GLYATL2: variants seen among roughly 807,000 people sequenced by gnomAD.
The protein encoded by GLYATL2 is glycine N-acyltransferase-like protein 2.
A neutral mutation model predicts 21.4 loss-of-function variants in GLYATL2; 25 were observed. The observed-to-expected ratio is 1.17, with a 90% CI of 0.85 to 1.63. The LOEUF is 1.63. Ranked by LOEUF, GLYATL2 falls within the 40% of genes most tolerant of loss-of-function variation. The probability of loss-of-function intolerance (pLI) is 0.00; values close to 1 mark genes in which losing one functional copy is unlikely to be tolerated. For synonymous variants in GLYATL2, 114 were observed against 118.2 expected (o/e 0.96, Z 0.23); for missense variants, 361 against 343.3 (o/e 1.05, Z -0.41).
intron 1 of GLYATL2, among the ~76,000 whole-genome samples, chr11:58,890,556 T>C (rs901847746): frequency 1.3e-5 from 2 of 152,184 alleles, no homozygotes; most frequent in Non-Finnish European, 2.9e-5. Flanking sequence ...ATAATACTTG[T>C]CCACTTTTTA....
chr11:58,906,217 G>T (rs997360308), upstream of GLYATL2, among the ~76,000 whole-genome samples: 1 of 152,186 alleles, frequency 6.6e-6, no homozygotes, highest in African/African-American at 2.4e-5. Context: ...TTTGGATGGG[G>T]AGCTGGGCCC....
rs763165386 is a variant in GLYATL2, at chr11:58,834,402, A to G, written c.*27T>C. On this transcript the variant is annotated 3_prime_UTR_variant, in exon 6 of 6. Coordinates refer to ENST00000287275, the MANE Select transcript of GLYATL2 (RefSeq NM_145016.4). ...AATTAATGTTTTTTTACTGATAAGA[A>G]AGATTTGAAATGGACAGTGGAATCA... 1.3e-6 allele frequency: 2 copies of G among 1,527,880 alleles called. No homozygotes were observed. The highest frequency in any genetic ancestry group is 2.8e-5 in the African/African-American group (2 of 71,840). 94.6% of individuals were successfully genotyped at this position (1,527,880 alleles called of 1,614,324 possible). A position where few individuals can be genotyped will look rare whatever the true frequency, so the allele number is the denominator to read the frequency against.
chr11:58,905,564 C>T, upstream of GLYATL2: 1 of 456,328 alleles, frequency 2.2e-6, no homozygotes, highest in Non-Finnish European at 4.4e-6. Context: ...CTCCCATACC[C>T]ACCCGGCTGC....
chr11:58,847,306 A>G (rs1293830521), upstream of GLYATL2, among the ~76,000 whole-genome samples: 1 of 152,230 alleles, frequency 6.6e-6, no homozygotes, highest in Non-Finnish European at 1.5e-5. Context: ...CTTCTGCTTC[A>G]GAAATGTGGA....
intron 1 of GLYATL2, among the ~76,000 whole-genome samples, chr11:58,902,833 C>T (rs1854763193): frequency 6.6e-6 from 1 of 152,220 alleles, no homozygotes; most frequent in Admixed American, 6.5e-5. Flanking sequence ...TGGACAACTT[C>T]CACAGCCCCA....
At chr11:58,883,432 A>G (rs1403795092) in intron 1 of GLYATL2, among the ~76,000 whole-genome samples, 1 of 152,260 alleles carries the variant, frequency 6.6e-6, no homozygotes, top group African/African-American at 2.4e-5. Context: ...AGAGAACACT[A>G]TAAAAACCTC....
At chr11:58,894,476 C>CAAAAAAAAAAAAAAA (rs1554980634) in intron 1 of GLYATL2, among the ~76,000 whole-genome samples, 2 of 116,546 alleles carry the variant, frequency 1.7e-5, no homozygotes, top group African/African-American at 3.2e-5. Flanking sequence ...GCAGCTATAG[C>CAAAAAAAAAAAAAAA]AAAAAAAAAA....
chr11:58,838,828 T>C (rs999547280), intron 2 of GLYATL2, among the ~76,000 whole-genome samples: 2 of 152,080 alleles, frequency 1.3e-5, no homozygotes, highest in African/African-American at 4.8e-5. Flanking sequence ...GAGATATATG[T>C]ATATGGTGGT....
intron 1 of GLYATL2, chr11:58,885,553 A>G (rs1470739044): frequency 1.2e-5 from 5 of 434,058 alleles, no homozygotes; most frequent in African/African-American, 6.0e-5. Context: ...TAGGCACACA[A>G]ACAGGGACTA....
In GLYATL2 at chr11:58,868,274, T is replaced by G. The variant is rs1208167000; in HGVS notation, n.61-29906A>C. ...TTAGAGCTTGATACTTTCATTTGTT[T>G]TATATGAATTTCTTCCTTAGTAAAG... is the stretch of plus-strand genomic sequence containing the variant. On this transcript the variant is annotated intron_variant and non_coding_transcript_variant, in intron 1 of 4. Transcript: ENST00000533636. Among the ~76,000 whole-genome samples the G allele has an allele frequency of 1.3e-5, 2 of 148,790 alleles. 1 individual carries two copies. The highest frequency in any genetic ancestry group is 3.0e-5 in the Non-Finnish European group (2 of 67,120).
chr11:58,870,910 C>A (rs1337036209), intron 1 of GLYATL2, among the ~76,000 whole-genome samples: 1 of 152,084 alleles, frequency 6.6e-6, no homozygotes, highest in East Asian at 1.9e-4. Flanking sequence ...ATAAGATATG[C>A]AGAAATGTGA....
intron 5 of GLYATL2, among the ~76,000 whole-genome samples, chr11:58,835,920 G>A (rs778122782): frequency 1.2e-4 from 18 of 152,122 alleles, no homozygotes; most frequent in Non-Finnish European, 1.8e-4. Context: ...ACACTGGTGG[G>A]GCAAAGCAGG....
At chr11:58,896,730 G>GTTCGT (rs1854642202) in intron 1 of GLYATL2, among the ~76,000 whole-genome samples, 2 of 151,708 alleles carry the variant, frequency 1.3e-5, no homozygotes, top group African/African-American at 4.9e-5. Flanking sequence ...ACTTAAACGT[G>GTTCGT]TTTGTTTTGT....
chr11:58,893,855 T>A (rs539348288), intron 1 of GLYATL2, among the ~76,000 whole-genome samples: 2 of 152,218 alleles, frequency 1.3e-5, no homozygotes, highest in African/African-American at 4.8e-5. Context: ...CTAATCTATA[T>A]GGATACTTTA....
At chr11:58,876,943 C>T (rs1057493509) in intron 1 of GLYATL2, among the ~76,000 whole-genome samples, 4 of 152,252 alleles carry the variant, frequency 2.6e-5, no homozygotes, top group Non-Finnish European at 4.4e-5. Flanking sequence ...CCACCCAGTT[C>T]GAGCTTCCAG....
At position 58,835,977 on chromosome 11, in the gene GLYATL2, G is replaced by A. The variant is rs551115514; in HGVS notation, c.476+1038C>T. Reference sequence around the variant, plus strand: ...CTGGCTAAATCAAATGTATCTGTGAGTGTGTGTTTAAATTCTATTTATTTT... The same window carrying A: ...CTGGCTAAATCAAATGTATCTGTGAATGTGTGTTTAAATTCTATTTATTTT... On this transcript the variant is annotated intron_variant, in intron 5 of 5. Coordinates refer to ENST00000287275, the MANE Select transcript of GLYATL2 (RefSeq NM_145016.4). 3.3e-5 allele frequency among the ~76,000 whole-genome samples: 5 copies of A among 152,132 alleles called. No individual in the cohort carries two copies. In the East Asian group the frequency reaches 9.6e-4, roughly 29 times the overall value.
At chr11:58,860,874 TA>T (rs1375516808) in intron 1 of GLYATL2, among the ~76,000 whole-genome samples, 1 of 152,096 alleles carries the variant, frequency 6.6e-6, no homozygotes, top group Admixed American at 6.5e-5. Flanking sequence ...TTTTGTTTTT[TA>T]TTCTGTTAAT....
At chr11:58,873,887 T>C (rs997181474) in intron 1 of GLYATL2, among the ~76,000 whole-genome samples, 2 of 152,220 alleles carry the variant, frequency 1.3e-5, no homozygotes, top group Non-Finnish European at 2.9e-5. Context: ...GTACTTCTGG[T>C]AGAATTCGGC....
chr11:58,846,087 A>C (rs866861164), upstream of GLYATL2, among the ~76,000 whole-genome samples: 3 of 152,248 alleles, frequency 2.0e-5, no homozygotes, highest in Non-Finnish European at 4.4e-5. Flanking sequence ...ACAGTAAACT[A>C]ATCATCCTTT....
Sources: gnomAD v4.1 joint callset for allele counts (sites outside exome capture counted in the v4.1 genomes callset) on GRCh38, gnomAD v4.1.1 for gene constraint, MANE v1.5 for transcripts, NCBI Gene and HGNC (gene_info 2026-07-23, HGNC 2026-07-21) for gene names.